Variants in NCOR1 observed in about 807,000 individuals in gnomAD.
The protein encoded by NCOR1 is protein phosphatase 1, regulatory subunit 109.
A neutral mutation model predicts 288.1 loss-of-function variants in NCOR1; 63 were observed. That is an observed-to-expected ratio of 0.22 (90% CI 0.18 to 0.27). NCOR1 has a LOEUF of 0.27. Ranked by LOEUF, NCOR1 falls within the 10% of genes least tolerant of loss-of-function variation. The pLI is 1.00. For synonymous variants in NCOR1, 1,007 were observed against 1,065.9 expected (o/e 0.94, Z 1.08); for missense variants, 2,397 against 3,019.2 (o/e 0.79, Z 4.83).
intron 8 of NCOR1, among the ~76,000 whole-genome samples, chr17:16,150,066 T>C (rs189602824): frequency 1.3e-5 from 2 of 152,272 alleles, no homozygotes; most frequent in Admixed American, 6.5e-5. Flanking sequence ...ATTTCTAATA[T>C]ATCTTAATCG....
chr17:16,090,460 G>A (rs1450043852), intron 22 of NCOR1, among the ~76,000 whole-genome samples: 1 of 152,118 alleles, frequency 6.6e-6, no homozygotes, highest in Non-Finnish European at 1.5e-5. Context: ...ACCCTGTAGT[G>A]AAACACGATA....
chr17:16,088,867 T>G (rs1242407278), intron 22 of NCOR1, among the ~76,000 whole-genome samples: 1 of 152,146 alleles, frequency 6.6e-6, no homozygotes, highest in Non-Finnish European at 1.5e-5. Flanking sequence ...GGACTGGGTG[T>G]GGAATTTCAG....
rs1972147261 is a variant in NCOR1 at position 16,032,236 on chromosome 17, A to C, written c.*60T>G. On this transcript the variant is annotated 3_prime_UTR_variant, in exon 46 of 46. Coordinates refer to ENST00000268712, the MANE Select transcript of NCOR1 (RefSeq NM_006311.4). ...GCAGGTTTTTGACCTGCTACTAAAA[A>C]TTAAACCACAAAAACTAGAGATCCC... 6.8e-7 allele frequency: 1 copy of C among 1,478,082 alleles called. No homozygotes were observed. Among genetic ancestry groups the C allele is most frequent in the African/African-American group, 1.5e-5 (1 of 68,572 alleles). 91.6% of individuals were successfully genotyped at this position (1,478,082 alleles called of 1,614,324 possible).
At chr17:16,090,836 T>C (rs1389639321) in intron 22 of NCOR1, among the ~76,000 whole-genome samples, 1 of 152,210 alleles carries the variant, frequency 6.6e-6, no homozygotes, top group Non-Finnish European at 1.5e-5. Context: ...CAGTTCCTAT[T>C]TTATATTAAA....
intron 14 of NCOR1, among the ~76,000 whole-genome samples, chr17:16,135,961 C>T (rs897929214): frequency 1.3e-5 from 2 of 152,172 alleles, no homozygotes; most frequent in African/African-American, 4.8e-5. Flanking sequence ...GGAGCTCATG[C>T]ATGCAAGTCC....
In NCOR1 at chr17:16,072,287, T is replaced by C. The variant is rs1256470174; in HGVS notation, c.3812-59A>G. The C allele has an allele frequency of 2.8e-5, 35 of 1,253,334 alleles. No individual in the cohort carries two copies. In the East Asian group the frequency reaches 7.1e-4, roughly 25 times the overall value. 77.6% of individuals were successfully genotyped at this position (1,253,334 alleles called of 1,614,324 possible). On this transcript the variant is annotated intron_variant, in intron 28 of 45. Transcript: ENST00000268712. Reference sequence around the variant, plus strand: ...CATAATGTATATGTCAACTCACATATACTGAATGCTGTTCTTAAAGTCTAT... The same window carrying C: ...CATAATGTATATGTCAACTCACATACACTGAATGCTGTTCTTAAAGTCTAT...
intron 2 of NCOR1, among the ~76,000 whole-genome samples, chr17:16,191,657 C>A (rs75263828): frequency 2.0e-5 from 3 of 151,842 alleles, no homozygotes; most frequent in Non-Finnish European, 2.9e-5. Flanking sequence ...GAATAACATG[C>A]AACATGAGTA....
intron 1 of NCOR1, chr17:16,198,163 C>T (rs1352872401): frequency 6.7e-6 from 1 of 150,352 alleles, no homozygotes; most frequent in African/African-American, 2.5e-5. Flanking sequence ...CGAGATCATC[C>T]TGGCTAACAC....
chr17:16,189,200 C>A (rs1213561605), intron 2 of NCOR1, among the ~76,000 whole-genome samples: 1 of 152,058 alleles, frequency 6.6e-6, no homozygotes, highest in Non-Finnish European at 1.5e-5. Context: ...TTCACACAAA[C>A]CTGGCCAACT....
chr17:16,146,456 T>C lies in NCOR1; in HGVS notation c.1002A>G (p.Lys334=). The C allele has an allele frequency of 6.2e-7, 1 of 1,613,814 alleles. No individual in the cohort carries two copies. Among genetic ancestry groups the C allele is most frequent in the South Asian group, 1.1e-5 (1 of 91,006 alleles). ...RIENNPRRKA[K]ESKTREYYEK... ...CATAGTATTCCCTTGTTTTGCTTTC[T>C]TTAGCTTTCCTCCGAGGATTATTTT... The change falls in exon 10 of 46, where the codon AAA becomes AAG. Residue 334 remains lysine, a synonymous_variant. Coordinates refer to ENST00000268712, the MANE Select transcript of NCOR1 (RefSeq NM_006311.4).
chr17:16,139,984 C>T (rs904427183), intron 11 of NCOR1, among the ~76,000 whole-genome samples: 2 of 152,208 alleles, frequency 1.3e-5, no homozygotes, highest in African/African-American at 4.8e-5. Context: ...TCAGTTTGAA[C>T]ACTATAGTGT....
rs192081645 is a variant in NCOR1 at position 16,082,028 on chromosome 17, T to C, written c.3178-1301A>G. ...AAGAGCACCCCTCAGCAAAGGCTGATTTTACTGATTTTAGACATTTAAGGA... is the reference window on the plus strand; with the variant it reads ...AAGAGCACCCCTCAGCAAAGGCTGACTTTACTGATTTTAGACATTTAAGGA... On this transcript the variant is annotated intron_variant, in intron 23 of 45. Coordinates refer to ENST00000268712, the MANE Select transcript of NCOR1 (RefSeq NM_006311.4). 2.0e-4 allele frequency among the ~76,000 whole-genome samples: 30 copies of C among 152,320 alleles called. 1 individual carries two copies. Among genetic ancestry groups the C allele is most frequent in the African/African-American group, 7.0e-4 (29 of 41,562 alleles).
At chr17:16,142,117 T>C (rs143461836) in intron 11 of NCOR1, among the ~76,000 whole-genome samples, 18 of 151,708 alleles carry the variant, frequency 1.2e-4, no homozygotes, top group Admixed American at 9.2e-4. Flanking sequence ...ACAATACCCA[T>C]AGAAAAAGGA....
At chr17:16,088,960 A>G (rs755909506) in intron 22 of NCOR1, among the ~76,000 whole-genome samples, 6 of 152,132 alleles carry the variant, frequency 3.9e-5, no homozygotes, top group Non-Finnish European at 8.8e-5. Context: ...AAGTGTCCTA[A>G]TACTGAGAAA....
intron 37 of NCOR1, among the ~76,000 whole-genome samples, chr17:16,061,109 G>T (rs572844490): frequency 1.3e-5 from 2 of 152,140 alleles, no homozygotes; most frequent in Non-Finnish European, 2.9e-5. Flanking sequence ...AGAGCCTGGC[G>T]ATATATCCAT....
chr17:16,127,378 T>TATAC (rs1465540184), intron 14 of NCOR1, among the ~76,000 whole-genome samples: 4 of 129,406 alleles, frequency 3.1e-5, no homozygotes, highest in East Asian at 2.1e-4. Context: ...TGTATGTATA[T>TATAC]ATGTATGTAT....
chr17:16,172,077 A>C, intron 3 of NCOR1, 82 bp from the exon 4 acceptor site: 1 of 1,158,054 alleles, frequency 8.6e-7, no homozygotes, highest in East Asian at 2.5e-5. Flanking sequence ...TTAGACTTTG[A>C]AATAACAAAT....
chr17:16,096,822 TA>T (rs1239808747), intron 21 of NCOR1, among the ~76,000 whole-genome samples: 6 of 152,200 alleles, frequency 3.9e-5, no homozygotes, highest in Non-Finnish European at 7.3e-5. Flanking sequence ...ACCAAGGTGC[TA>T]AAATCAAGGG....
chr17:16,132,044 AAAT>A (rs1198619973), intron 14 of NCOR1, among the ~76,000 whole-genome samples: 1 of 152,210 alleles, frequency 6.6e-6, no homozygotes, highest in Non-Finnish European at 1.5e-5. Flanking sequence ...AACTTGTCTA[AAAT>A]AATCTTTCTA....
Sources: allele counts gnomAD v4.1 joint callset (sites outside exome capture counted in the v4.1 genomes callset), GRCh38; gene constraint gnomAD v4.1.1; transcripts MANE v1.5; gene names NCBI Gene and HGNC (gene_info 2026-07-23, HGNC 2026-07-21).